The following TAFA1 variants were observed in gnomAD, a reference collection of about 807,000 sequenced individuals.
TAFA1 encodes TAFA chemokine like family member 1.
TAFA1 carries 4 observed loss-of-function variants against 18.5 expected under a neutral mutation model. That is an observed-to-expected ratio of 0.22 (90% CI 0.11 to 0.49). The LOEUF (loss-of-function observed/expected upper bound fraction) is 0.49. Ranked by LOEUF, TAFA1 falls within the 20% of genes least tolerant of loss-of-function variation. TAFA1 has a pLI of 0.98. For missense variants in TAFA1, 147 were observed against 169.0 expected, an observed-to-expected ratio of 0.87 and a Z score of 0.72; for synonymous variants, 56 against 55.2, an observed-to-expected ratio of 1.01 and a Z score of -0.06.
chr3:68,148,742 T>C lies in TAFA1; in HGVS notation c.118+141998T>C, dbSNP rs2065771614. On this transcript the variant is annotated intron_variant, in intron 2 of 4. Transcript: ENST00000478136. ...CAGGTGCAGCTCTGCTCAGCCTTCT[T>C]TGGGGAGGCAGAGCTAAGGGTTATC... 2.6e-5 allele frequency among the ~76,000 whole-genome samples: 4 copies of C among 152,168 alleles called. No homozygotes were observed. In the South Asian group the frequency reaches 8.3e-4, roughly 32 times the overall value.
chr3:68,357,568 C>A (rs562401708), intron 2 of TAFA1, among the ~76,000 whole-genome samples: 1 of 152,068 alleles, frequency 6.6e-6, no homozygotes, highest in African/African-American at 2.4e-5. Flanking sequence ...GCTCCCCACA[C>A]TAGTCGGTGT....
At position 68,080,674 on chromosome 3, in the gene TAFA1, G is replaced by A. The variant is rs542588026; in HGVS notation, c.118+73930G>A. Among the ~76,000 whole-genome samples the A allele has an allele frequency of 5.7e-4, 87 of 152,252 alleles. 1 individual carries two copies. Among genetic ancestry groups the A allele is most frequent in the Non-Finnish European group, 9.7e-4 (66 of 68,028 alleles). ...TCTTCTGGCTTGTAGGGTTTCTGCC[G>A]AGAGATCTGCTGTTAGTCTGATGGC... is the stretch of plus-strand genomic sequence containing the variant. On this transcript the variant is annotated intron_variant, in intron 2 of 4. Coordinates refer to ENST00000478136, the MANE Select transcript of TAFA1 (RefSeq NM_213609.4).
At chr3:68,196,534 A>G (rs986145021) in intron 2 of TAFA1, among the ~76,000 whole-genome samples, 6 of 151,778 alleles carry the variant, frequency 4.0e-5, no homozygotes, top group Admixed American at 6.6e-5. Flanking sequence ...AAATAAAGGG[A>G]AATTTATTGC....
intron 3 of TAFA1, among the ~76,000 whole-genome samples, chr3:68,448,592 G>A (rs1305003308): frequency 2.0e-5 from 3 of 151,864 alleles, no homozygotes; most frequent in Admixed American, 1.3e-4. Context: ...AAAGGTTAAT[G>A]GAAGGAAAGA....
chr3:68,116,247 G>A (rs1026244829), intron 2 of TAFA1, among the ~76,000 whole-genome samples: 1 of 144,854 alleles, frequency 6.9e-6, no homozygotes, highest in Non-Finnish European at 1.5e-5. Flanking sequence ...AAAGCAAGAT[G>A]CCGTCGCAAA....
intron 2 of TAFA1, among the ~76,000 whole-genome samples, chr3:68,403,315 G>A (rs1416858370): frequency 6.6e-6 from 1 of 152,196 alleles, no homozygotes; most frequent in Non-Finnish European, 1.5e-5. Flanking sequence ...GCTTTGTTAA[G>A]CTTCAGCAAC....
intron 4 of TAFA1, among the ~76,000 whole-genome samples, chr3:68,541,377 C>T (rs906366894): frequency 7.9e-5 from 12 of 152,150 alleles, no homozygotes; most frequent in Admixed American, 3.9e-4. Context: ...GGTGTGTCAA[C>T]GCCAGTCCTT....
chr3:68,367,013 A>G (rs6776111), intron 2 of TAFA1, among the ~76,000 whole-genome samples: 17,346 of 152,166 alleles, frequency 0.11, 1,212 homozygotes, highest in East Asian at 0.23. Flanking sequence ...TAAGTTAACC[A>G]TAGTTTTCCT....
intron 2 of TAFA1, among the ~76,000 whole-genome samples, chr3:68,051,042 G>A (rs1239694092): frequency 6.6e-6 from 1 of 152,074 alleles, no homozygotes; most frequent in Non-Finnish European, 1.5e-5. Flanking sequence ...TTGTATCTCA[G>A]CTTGATGACT....
intron 2 of TAFA1, among the ~76,000 whole-genome samples, chr3:68,379,595 A>C (rs1249974704): frequency 6.6e-6 from 1 of 152,076 alleles, no homozygotes; most frequent in African/African-American, 2.4e-5. Flanking sequence ...TGGTATTGCC[A>C]AGTCGTCTTC....
intron 3 of TAFA1, among the ~76,000 whole-genome samples, chr3:68,448,775 A>C (rs1251712775): frequency 2.6e-5 from 4 of 152,250 alleles, no homozygotes; most frequent in African/African-American, 7.2e-5. Context: ...TGAATAAGTC[A>C]GCTAACGTCT....
chr3:68,394,898 T>G (rs147553030), intron 2 of TAFA1, among the ~76,000 whole-genome samples: 85 of 152,234 alleles, frequency 5.6e-4, no homozygotes, highest in African/African-American at 2.0e-3. Flanking sequence ...TGGCAAAGAC[T>G]TCATGACTAA....
At chr3:68,068,494 C>T (rs984729500) in intron 2 of TAFA1, among the ~76,000 whole-genome samples, 1 of 152,156 alleles carries the variant, frequency 6.6e-6, no homozygotes, top group Non-Finnish European at 1.5e-5. Flanking sequence ...TCTTTAATCA[C>T]CCTAATTCCT....
At chr3:68,412,007 T>C (rs2070728646) in intron 2 of TAFA1, among the ~76,000 whole-genome samples, 1 of 152,136 alleles carries the variant, frequency 6.6e-6, no homozygotes. Context: ...CCAGTGTACC[T>C]GAGCAGCATG....
chr3:68,383,441 T>A (rs1311456338), intron 2 of TAFA1, among the ~76,000 whole-genome samples: 1 of 152,092 alleles, frequency 6.6e-6, no homozygotes, highest in Non-Finnish European at 1.5e-5. Flanking sequence ...ATTGAGATAA[T>A]GTGGTTTTTG....
chr3:68,143,734 T>C (rs1001731878), intron 2 of TAFA1, among the ~76,000 whole-genome samples: 16 of 152,186 alleles, frequency 1.1e-4, no homozygotes, highest in African/African-American at 3.9e-4. Flanking sequence ...ACAGTAGTTG[T>C]TTTACAGCTT....
chr3:68,389,553 A>G (rs900133390), intron 2 of TAFA1, among the ~76,000 whole-genome samples: 14 of 152,168 alleles, frequency 9.2e-5, no homozygotes, highest in African/African-American at 2.4e-4. Context: ...AAAAGTATCT[A>G]TTGGTTGATT....
intron 2 of TAFA1, among the ~76,000 whole-genome samples, chr3:68,033,911 G>T (rs756181582): frequency 6.6e-5 from 10 of 152,270 alleles, no homozygotes; most frequent in Admixed American, 1.3e-4. Flanking sequence ...GTACTTTTCA[G>T]ATCAGTTCAT....
intron 2 of TAFA1, among the ~76,000 whole-genome samples, chr3:68,050,043 T>C (rs894497952): frequency 2.0e-5 from 3 of 152,148 alleles, no homozygotes; most frequent in Admixed American, 6.6e-5. Flanking sequence ...TTGTGCAGGT[T>C]ACATAACCTC....
Sources: gnomAD v4.1 joint callset for allele counts (sites outside exome capture counted in the v4.1 genomes callset) on GRCh38, gnomAD v4.1.1 for gene constraint, MANE v1.5 for transcripts, NCBI Gene and HGNC (gene_info 2026-07-23, HGNC 2026-07-21) for gene names.